MIPOL1: variants seen among roughly 807,000 people sequenced by gnomAD.
MIPOL1 encodes mirror-image polydactyly 1, also known as mirror-image polydactyly gene 1 protein.
Under a neutral mutation model 60.9 loss-of-function variants are expected in MIPOL1, and 57 were observed. The ratio of observed to expected loss-of-function variants is 0.94; its 90% CI spans 0.76 to 1.17. The LOEUF (loss-of-function observed/expected upper bound fraction) is 1.17. MIPOL1 is among the 50% of genes most tolerant of loss of function. MIPOL1 has a pLI of 0.00. For synonymous variants in MIPOL1, 179 were observed against 168.8 expected (o/e 1.06, Z -0.47); for missense variants, 551 against 511.6 (o/e 1.08, Z -0.74).
At chr14:37,396,944 C>T (rs2093382917) in intron 10 of MIPOL1, 2 of 152,164 alleles carry the variant, frequency 1.3e-5, no homozygotes, top group African/African-American at 2.4e-5. Flanking sequence ...CCCTGATTAG[C>T]TTAATAACTA....
At chr14:37,389,440 A>G (rs1296836487) in intron 10 of MIPOL1, among the ~76,000 whole-genome samples, 2 of 152,162 alleles carry the variant, frequency 1.3e-5, no homozygotes, top group East Asian at 1.9e-4. Flanking sequence ...CATGATTGAT[A>G]TAGATTAGAT....
At chr14:37,229,073 A>G (rs1177216123) in intron 1 of MIPOL1, among the ~76,000 whole-genome samples, 1 of 152,252 alleles carries the variant, frequency 6.6e-6, no homozygotes, top group Non-Finnish European at 1.5e-5. Flanking sequence ...ACATATATAT[A>G]CTTTTCTAGG....
intron 10 of MIPOL1, among the ~76,000 whole-genome samples, chr14:37,376,830 AAT>A (rs533701271): frequency 7.1e-4 from 108 of 152,300 alleles, no homozygotes; most frequent in Non-Finnish European, 1.2e-3. Context: ...CATACGTAAA[AAT>A]ATGTTTAGTT....
At chr14:37,471,580 T>G (rs1317136281) in intron 11 of MIPOL1, among the ~76,000 whole-genome samples, 1 of 152,182 alleles carries the variant, frequency 6.6e-6, no homozygotes, top group Non-Finnish European at 1.5e-5. Flanking sequence ...ATTCTTATGC[T>G]TTCTTTAAAA....
At chr14:37,460,361 A>G (rs2094526151) in intron 11 of MIPOL1, among the ~76,000 whole-genome samples, 1 of 152,258 alleles carries the variant, frequency 6.6e-6, no homozygotes, top group South Asian at 2.1e-4. Context: ...GAAGGAGCAT[A>G]CCTCAAAATA....
In MIPOL1 at chr14:37,422,911, A is replaced by G; in HGVS notation, c.993A>G (p.Lys331=). Residue 331 remains lysine, a synonymous_variant, in exon 11 of 13, where the codon AAA becomes AAG. Coordinates refer to ENST00000684589, the MANE Select transcript of MIPOL1 (RefSeq NM_001388067.1). ...AAACTGCAGTTCAACAGTACAAAAA[A>G]CTGGAAGAGGAAATCCAGACCCTTC... ...ARETAVQQYK[K]LEEEIQTLRV... 6.2e-7 allele frequency: 1 copy of G among 1,609,606 alleles called. No individual in the cohort carries two copies. The highest frequency in any genetic ancestry group is 8.5e-7 in the Non-Finnish European group (1 of 1,177,334).
intron 11 of MIPOL1, among the ~76,000 whole-genome samples, chr14:37,472,278 A>G (rs2094699385): frequency 1.3e-5 from 2 of 152,212 alleles, no homozygotes; most frequent in Admixed American, 1.3e-4. Flanking sequence ...ATTGAAAAAT[A>G]TTGGCCCTAT....
At chr14:37,405,665 A>G (rs1253174255) in intron 10 of MIPOL1, among the ~76,000 whole-genome samples, 1 of 152,002 alleles carries the variant, frequency 6.6e-6, no homozygotes, top group East Asian at 1.9e-4. Context: ...AGACTTATAA[A>G]TTAATATTTC....
chr14:37,273,061 A>G (rs898047537), intron 6 of MIPOL1, among the ~76,000 whole-genome samples: 4 of 151,338 alleles, frequency 2.6e-5, no homozygotes. Context: ...GAAAATTAAA[A>G]ACAGTCTAAC....
intron 9 of MIPOL1, among the ~76,000 whole-genome samples, chr14:37,357,394 T>C (rs929977976): frequency 6.6e-6 from 1 of 152,112 alleles, no homozygotes; most frequent in African/African-American, 2.4e-5. Flanking sequence ...TTTCACCCTT[T>C]TTCCACATGC....
In MIPOL1 at chr14:37,521,558, T is replaced by C. The variant is rs1171474351; in HGVS notation, c.1262+21420T>C. Reference sequence around the variant, plus strand: ...CTGCTTGCTTTACTTCTTCAATGGCTATTAGCGATGGAAATTAAACAAGTT... The same window carrying C: ...CTGCTTGCTTTACTTCTTCAATGGCCATTAGCGATGGAAATTAAACAAGTT... On this transcript the variant is annotated intron_variant, in intron 12 of 12. Transcript: ENST00000684589. Among the ~76,000 whole-genome samples the C allele has an allele frequency of 2.0e-5, 3 of 152,056 alleles. No homozygotes were observed. The East Asian group carries it at 5.8e-4, about 29-fold the overall frequency.
intron 10 of MIPOL1, among the ~76,000 whole-genome samples, chr14:37,414,976 G>C (rs1185269233): frequency 2.0e-5 from 3 of 152,062 alleles, no homozygotes. Flanking sequence ...ATAAATGCTT[G>C]GAAACTTGTG....
chr14:37,395,694 C>T (rs1377408617), intron 10 of MIPOL1, among the ~76,000 whole-genome samples: 4 of 152,076 alleles, frequency 2.6e-5, no homozygotes, highest in Admixed American at 6.6e-5. Flanking sequence ...ACAATCATAT[C>T]GTCAGCAAAC....
chr14:37,248,004 A>T, intron 3 of MIPOL1, 97 bp downstream of exon 3: 1 of 1,240,852 alleles, frequency 8.1e-7, no homozygotes, highest in Non-Finnish European at 1.2e-6. Context: ...TATTAGACAG[A>T]GGTAGACAAG....
chr14:37,482,900 C>A (rs1410495916), intron 11 of MIPOL1, among the ~76,000 whole-genome samples: 2 of 152,090 alleles, frequency 1.3e-5, no homozygotes, highest in Admixed American at 1.3e-4. Context: ...GGTATCAGCA[C>A]CCCATGTGGA....
intron 8 of MIPOL1, 122 bp from the exon 9 acceptor site, chr14:37,308,227 A>G (rs543960719): frequency 4.2e-6 from 5 of 1,186,144 alleles, no homozygotes; most frequent in Non-Finnish European, 5.9e-6. Context: ...TTGCTGCAAT[A>G]TGAAAATTCA....
intron 1 of MIPOL1, among the ~76,000 whole-genome samples, chr14:37,231,534 C>T (rs576643044): frequency 4.6e-5 from 7 of 152,200 alleles, no homozygotes; most frequent in African/African-American, 1.4e-4. Flanking sequence ...AGATGAATGT[C>T]TTGTAGATAC....
intron 9 of MIPOL1, among the ~76,000 whole-genome samples, chr14:37,324,719 AT>A (rs2088964193): frequency 6.6e-6 from 1 of 152,078 alleles, no homozygotes; most frequent in Non-Finnish European, 1.5e-5. Context: ...TGAGTTACTT[AT>A]CATGTATGGT....
chr14:37,533,350 C>T (rs140844346), intron 12 of MIPOL1, among the ~76,000 whole-genome samples: 16 of 151,968 alleles, frequency 1.1e-4, no homozygotes, highest in African/African-American at 3.6e-4. Flanking sequence ...GATTGATTCC[C>T]GATAAGAAAA....
Sources: gnomAD v4.1 joint callset for allele counts (sites outside exome capture counted in the v4.1 genomes callset) on GRCh38, gnomAD v4.1.1 for gene constraint, MANE v1.5 for transcripts, NCBI Gene and HGNC (gene_info 2026-07-23, HGNC 2026-07-21) for gene names.